Variants in SPDYA observed in about 807,000 individuals in gnomAD.
SPDYA encodes speedy protein A.
A neutral mutation model predicts 36.7 loss-of-function variants in SPDYA; 11 were observed. The observed-to-expected ratio is 0.30, with a 90% CI of 0.19 to 0.50. The LOEUF is 0.50. Ranked by LOEUF, SPDYA falls within the 20% of genes least tolerant of loss-of-function variation. The pLI is 0.98. For synonymous variants in SPDYA, 115 were observed against 118.7 expected (o/e 0.97, Z 0.20); for missense variants, 287 against 370.9 (o/e 0.77, Z 1.86).
chr2:28,821,732 AACAG>A (rs1668173689), intron 4 of SPDYA, among the ~76,000 whole-genome samples: 1 of 152,212 alleles, frequency 6.6e-6, no homozygotes, highest in Non-Finnish European at 1.5e-5. Flanking sequence ...TTTTAATTTG[AACAG>A]ACAGAACCTG....
chr2:28,839,685 G>C (rs556179120), intron 6 of SPDYA, among the ~76,000 whole-genome samples: 5 of 152,184 alleles, frequency 3.3e-5, no homozygotes, highest in African/African-American at 9.6e-5. Context: ...TGTATTTTTA[G>C]TAGAGACGGA....
chr2:28,828,633 C>T (rs1176013649), intron 5 of SPDYA, among the ~76,000 whole-genome samples: 2 of 152,202 alleles, frequency 1.3e-5, no homozygotes, highest in Non-Finnish European at 2.9e-5. Flanking sequence ...AAGCATTCAG[C>T]AGAATGCTGA....
At chr2:28,816,779 G>A (rs748142396) in intron 3 of SPDYA, among the ~76,000 whole-genome samples, 5 of 152,126 alleles carry the variant, frequency 3.3e-5, no homozygotes, top group Admixed American at 6.5e-5. Flanking sequence ...TTATGAGACA[G>A]TGCTACTTTG....
At chr2:28,827,495 C>CTAA (rs1320902884) in intron 5 of SPDYA, among the ~76,000 whole-genome samples, 1 of 152,058 alleles carries the variant, frequency 6.6e-6, no homozygotes, top group African/African-American at 2.4e-5. Context: ...GGGTCTGTTA[C>CTAA]TGTTCTTGGT....
intron 7 of SPDYA, among the ~76,000 whole-genome samples, chr2:28,848,228 G>A (rs1259216574): frequency 6.6e-6 from 1 of 152,142 alleles, no homozygotes; most frequent in Non-Finnish European, 1.5e-5. Flanking sequence ...TTGTCTAAAT[G>A]CAGCCAGAGT....
intron 6 of SPDYA, among the ~76,000 whole-genome samples, chr2:28,836,947 A>G (rs1319833848): frequency 6.6e-6 from 1 of 152,182 alleles, no homozygotes; most frequent in Non-Finnish European, 1.5e-5. Context: ...AGCCCCTTTC[A>G]TGCATCATGG....
chr2:28,826,142 G>A (rs116228608), intron 5 of SPDYA, among the ~76,000 whole-genome samples: 138 of 150,060 alleles, frequency 9.2e-4, no homozygotes, highest in African/African-American at 3.1e-3. Flanking sequence ...GATGTTTTTC[G>A]TTTTTGTTTT....
chr2:28,822,292 A>G, intron 4 of SPDYA, 33 bp from the exon 5 acceptor site: 1 of 1,063,828 alleles, frequency 9.4e-7, no homozygotes, highest in South Asian at 1.7e-5. Flanking sequence ...AAAGCAAAAC[A>G]TTAATATTAA....
intron 7 of SPDYA, among the ~76,000 whole-genome samples, chr2:28,848,880 CA>C (rs1668956480): frequency 6.6e-6 from 1 of 151,834 alleles, no homozygotes; most frequent in Non-Finnish European, 1.5e-5. Flanking sequence ...CCGTCTCTAC[CA>C]AAAAATCCAC....
chr2:28,841,345 C>A (rs1016571783), intron 7 of SPDYA, among the ~76,000 whole-genome samples: 11 of 151,936 alleles, frequency 7.2e-5, no homozygotes, highest in Non-Finnish European at 1.5e-4. Context: ...TAGAAAAGAA[C>A]CTTATTAGCT....
chr2:28,832,841 A>C (rs199652363), intron 6 of SPDYA, among the ~76,000 whole-genome samples: 1,253 of 75,618 alleles, frequency 0.017, no homozygotes, highest in Non-Finnish European at 0.017. Context: ...TCCCACCCCC[A>C]CCTTTTTTTT....
intron 7 of SPDYA, among the ~76,000 whole-genome samples, chr2:28,843,222 T>C (rs1668789094): frequency 6.6e-6 from 1 of 152,200 alleles, no homozygotes; most frequent in Admixed American, 6.5e-5. Flanking sequence ...TATTTTTCAA[T>C]TTGACAAGGT....
In SPDYA at chr2:28,850,456, T is replaced by A; in HGVS notation, c.*515T>A. On this transcript the variant is annotated 3_prime_UTR_variant, in exon 8 of 8. Transcript: ENST00000334056. The stretch of plus-strand genomic sequence containing the variant: ...TAAGCTACATAAAATATTTTCTATT[T>A]TTTTCACAAAACTGTTAAAATATGA... 5.5e-6 allele frequency: 7 copies of A among 1,264,526 alleles called. No homozygotes were observed. The highest frequency in any genetic ancestry group is 7.8e-6 in the Non-Finnish European group (7 of 900,144). The allele number at this position is 1,264,526 out of a possible 1,614,324, so 78.3% of individuals were successfully genotyped here.
intron 7 of SPDYA, 95 bp from the exon 8 acceptor site, chr2:28,849,755 C>T (rs1668988738): frequency 1.5e-6 from 1 of 650,122 alleles, no homozygotes; most frequent in East Asian, 3.2e-5. Flanking sequence ...CCCAGATTTC[C>T]TTATTATTTT....
At chr2:28,818,959 C>T in intron 3 of SPDYA, 89 bp from the exon 4 acceptor site, 2 of 1,008,338 alleles carry the variant, frequency 2.0e-6, no homozygotes, top group Non-Finnish European at 3.0e-6. Context: ...TTTCTAAGCA[C>T]CATGTATAAT....
At chr2:28,824,919 T>G (rs1668280730) in intron 5 of SPDYA, among the ~76,000 whole-genome samples, 1 of 152,146 alleles carries the variant, frequency 6.6e-6, no homozygotes, top group Admixed American at 6.6e-5. Flanking sequence ...AACTCAAAAT[T>G]TAGGATGATT....
rs1322943670 is a variant in SPDYA at position 28,816,019 on chromosome 2, G to A, written c.5G>A (p.Arg2Lys). 21 of 1,605,420 alleles carry A rather than the reference G, an allele frequency of 1.3e-5. No individual in the cohort carries two copies. Among genetic ancestry groups the A allele is most frequent in the Admixed American group, 1.7e-5 (1 of 57,766 alleles). M[R>K]HNQMCCETPP... ...CAGGAATATTGGGAAACCAAAATGAGGCACAATCAGATGTGTTGTGAGACA... is the reference window on the plus strand; with the variant it reads ...CAGGAATATTGGGAAACCAAAATGAAGCACAATCAGATGTGTTGTGAGACA... Residue 2 changes from arginine (R) to lysine (K), a missense_variant, in exon 3 of 8, where the codon AGG becomes AAG. Transcript: ENST00000334056.
intron 6 of SPDYA, among the ~76,000 whole-genome samples, chr2:28,837,525 C>G (rs1237005633): frequency 6.6e-6 from 1 of 152,128 alleles, no homozygotes; most frequent in Non-Finnish European, 1.5e-5. Context: ...TTAAGAGATT[C>G]AAGGTCAAAG....
chr2:28,842,132 C>T (rs902040792), intron 7 of SPDYA: 4 of 152,178 alleles, frequency 2.6e-5, no homozygotes, highest in Admixed American at 2.0e-4. Context: ...TGACTCCAAA[C>T]TAGAGCCTGA....
Sources: allele counts gnomAD v4.1 joint callset (sites outside exome capture counted in the v4.1 genomes callset), GRCh38; gene constraint gnomAD v4.1.1; transcripts MANE v1.5; gene names NCBI Gene and HGNC (gene_info 2026-07-23, HGNC 2026-07-21).